The following FGD5 variants were observed in gnomAD, a reference collection of about 807,000 sequenced individuals.
FGD5 encodes the protein FYVE, RhoGEF and PH domain containing 5.
Under a neutral mutation model 133.4 loss-of-function variants are expected in FGD5, and 28 were observed. That is an observed-to-expected ratio of 0.21 (90% confidence interval 0.16 to 0.29). The LOEUF (loss-of-function observed/expected upper bound fraction) is 0.29. FGD5 is among the 10% of genes least tolerant of loss of function. The pLI is 1.00. For synonymous variants in FGD5, 810 were observed against 776.5 expected, an observed-to-expected ratio of 1.04 and a Z score of -0.72; for missense variants, 1,858 against 1,895.2, an observed-to-expected ratio of 0.98 and a Z score of 0.36.
chr3:14,864,091 A>G (rs1288720961), intron 1 of FGD5, 37 bp from the exon 2 acceptor site: 1 of 1,596,054 alleles, frequency 6.3e-7, no homozygotes, highest in Non-Finnish European at 8.6e-7. Context: ...ATGCTAAACA[A>G]AAAGCTTTAA....
intron 1 of FGD5, among the ~76,000 whole-genome samples, chr3:14,829,849 G>C (rs528136869): frequency 5.9e-5 from 9 of 152,266 alleles, no homozygotes; most frequent in Admixed American, 2.6e-4. Context: ...AGATTCCTTA[G>C]AATGCATAAA....
Position 14,821,403 on chromosome 3 carries a change from C to G in FGD5, c.2332C>G (p.Pro778Ala), listed in dbSNP as rs776620013. The G allele has an allele frequency of 6.2e-7, 1 of 1,614,028 alleles. No individual in the cohort carries two copies. The highest frequency in any genetic ancestry group is 8.5e-7 in the Non-Finnish European group (1 of 1,179,894). ...SADTSDYENI[P>A]AMNSDYENIQ... ...TGACACTTCAGACTATGAGAACATT[C>G]CAGCCATGAACTCGGACTATGAGAA... Residue 778 changes from proline (P) to alanine (A), a missense_variant, in exon 1 of 20, where the codon CCA becomes GCA. Physicochemically the swap from Pro to Ala is conservative, Grantham distance 27. Transcript: ENST00000285046.
intron 17 of FGD5, among the ~76,000 whole-genome samples, chr3:14,925,328 A>T (rs995549465): frequency 1.3e-5 from 2 of 152,198 alleles, no homozygotes; most frequent in Non-Finnish European, 2.9e-5. Context: ...ACAACATATT[A>T]TACAGAATCT....
intron 1 of FGD5, among the ~76,000 whole-genome samples, chr3:14,826,908 C>G (rs1057486909): frequency 6.6e-6 from 1 of 152,180 alleles, no homozygotes. Flanking sequence ...CCTCTGACTT[C>G]CCATGAGATG....
chr3:14,915,343 T>C (rs1039942986), intron 11 of FGD5, among the ~76,000 whole-genome samples: 3 of 152,242 alleles, frequency 2.0e-5, no homozygotes, highest in Non-Finnish European at 4.4e-5. Context: ...AAAAGAAGTA[T>C]TCATTCTGAC....
chr3:14,903,566 AT>A, intron 9 of FGD5, among the ~76,000 whole-genome samples: 1 of 132,654 alleles, frequency 7.5e-6, no homozygotes, highest in South Asian at 2.3e-4. Context: ...ATGTGATCTC[AT>A]TGTTCATTTC....
At chr3:14,839,932 A>AC (rs2036885780) in intron 1 of FGD5, among the ~76,000 whole-genome samples, 1 of 81,082 alleles carries the variant, frequency 1.2e-5, no homozygotes, top group South Asian at 3.6e-4. Context: ...GACTGTCTCA[A>AC]AAAACAAACA....
intron 7 of FGD5, 146 bp downstream of exon 7, chr3:14,898,972 C>G (rs1477505424): frequency 1.1e-5 from 8 of 712,678 alleles, no homozygotes; most frequent in African/African-American, 1.8e-5. Flanking sequence ...ACCTTTCCCT[C>G]CAGTTGAGCT....
intron 2 of FGD5, among the ~76,000 whole-genome samples, chr3:14,871,440 TACTC>T (rs1295073718): frequency 3.3e-5 from 5 of 152,368 alleles, no homozygotes; most frequent in Non-Finnish European, 7.3e-5. Flanking sequence ...CTGTGTAACT[TACTC>T]TGCACAGTGA....
chr3:14,823,739 A>G (rs142592748), intron 1 of FGD5, among the ~76,000 whole-genome samples: 1 of 152,320 alleles, frequency 6.6e-6, no homozygotes, highest in Non-Finnish European at 1.5e-5. Flanking sequence ...GCATTGTACA[A>G]TCACAAGAGC....
rs1318248414 is a variant in FGD5 at position 14,820,393 on chromosome 3, C to A, written c.1322C>A (p.Ala441Asp). The change falls in exon 1 of 20, where the codon GCC becomes GAC. Residue 441 changes from alanine (A) to aspartate (D), a missense_variant. This residue lies in a region of FGD5 where 1,824 missense variants were observed against 1,848.9 expected (regional missense o/e 0.99). Coordinates refer to ENST00000285046, the MANE Select transcript of FGD5 (RefSeq NM_152536.4). Reference sequence around the variant, plus strand: ...GGAGTGGGCCTGCCCGGTCAGGCGGCCCCTGGAGAAGGAGGGCAGGCTGCA... The same window carrying A: ...GGAGTGGGCCTGCCCGGTCAGGCGGACCCTGGAGAAGGAGGGCAGGCTGCA... ...VMGVGLPGQA[A>D]PGEGGQAASD... The A allele has an allele frequency of 3.1e-6, 5 of 1,613,748 alleles. No homozygotes were observed. The highest frequency in any genetic ancestry group is 1.1e-5 in the South Asian group (1 of 91,082).
In FGD5 at chr3:14,915,002, T is replaced by C. The variant is rs538091728; in HGVS notation, c.3406-2247T>C. ...AAAGCCAGCCAGACACCGATTTTTG[T>C]TGATAAAGTTCTGTGGGAACACAGC... On this transcript the variant is annotated intron_variant, in intron 11 of 19. Transcript: ENST00000285046. Among the ~76,000 whole-genome samples, 89 of 152,342 alleles carry C rather than the reference T, an allele frequency of 5.8e-4. 1 individual carries two copies. Among genetic ancestry groups the C allele is most frequent in the African/African-American group, 2.1e-3 (86 of 41,586 alleles).
At position 14,911,027 on chromosome 3, in the gene FGD5, G is replaced by A. The variant is rs913886697; in HGVS notation, c.3405+98G>A. ...GGACAAGTGGAATAGGGTGAGAGGA[G>A]AGTAGAACAGAGCAGACATTTGGGG... On this transcript the variant is annotated intron_variant, in intron 11 of 19. Transcript: ENST00000285046. 29 of 1,166,132 alleles carry A rather than the reference G, an allele frequency of 2.5e-5. 2 individuals carry two copies. In the Middle Eastern group the frequency reaches 1.6e-3, roughly 63 times the overall value. The allele number at this position is 1,166,132 out of a possible 1,614,324, so 72.2% of individuals were successfully genotyped here.
intron 1 of FGD5, among the ~76,000 whole-genome samples, chr3:14,822,360 CTTTTTATTGAGTAA>C (rs2125070120): frequency 6.6e-6 from 1 of 152,136 alleles, no homozygotes; most frequent in Admixed American, 6.5e-5. Context: ...AGATTGGCAC[CTTTTTATTGAGTAA>C]ATATACACTG....
intron 1 of FGD5, among the ~76,000 whole-genome samples, chr3:14,835,198 T>G (rs1338250999): frequency 6.6e-6 from 1 of 152,058 alleles, no homozygotes; most frequent in Non-Finnish European, 1.5e-5. Flanking sequence ...GTCCTGCGGG[T>G]CAGAAAGCTG....
intron 7 of FGD5, among the ~76,000 whole-genome samples, chr3:14,899,542 C>G (rs2038197393): frequency 6.6e-6 from 1 of 152,232 alleles, no homozygotes; most frequent in African/African-American, 2.4e-5. Context: ...CAGGTAGCAA[C>G]TGGGGCTCCT....
At chr3:14,907,465 C>T (rs1453152525) in intron 9 of FGD5, among the ~76,000 whole-genome samples, 175 bp from the exon 10 acceptor site, 1 of 152,232 alleles carries the variant, frequency 6.6e-6, no homozygotes, top group Non-Finnish European at 1.5e-5. Context: ...GTGGTGGCTC[C>T]CTGCAGACCC....
intron 4 of FGD5, among the ~76,000 whole-genome samples, chr3:14,886,642 C>T (rs936551048): frequency 1.3e-5 from 2 of 152,220 alleles, no homozygotes; most frequent in Non-Finnish European, 2.9e-5. Context: ...CCCTCTCACA[C>T]CTCGTTTTCT....
rs1387326044 is a variant in FGD5 at position 14,932,561 on chromosome 3, CT to C, written c.4198-14del. The C allele has an allele frequency of 1.9e-6, 3 of 1,605,348 alleles. No homozygotes were observed. The highest frequency in any genetic ancestry group is 2.5e-6 in the Non-Finnish European group (3 of 1,177,274). ...GTGTGGTGTTTAATGTCAATTTTTC[CT>C]TCTGTCCTCTGCAGGACAAAGTGGC... is the stretch of plus-strand genomic sequence containing the variant. On this transcript the variant is annotated splice_polypyrimidine_tract_variant and intron_variant, in intron 18 of 19. Coordinates refer to ENST00000285046, the MANE Select transcript of FGD5 (RefSeq NM_152536.4).
Sources: allele counts gnomAD v4.1 joint callset (sites outside exome capture counted in the v4.1 genomes callset), GRCh38; gene constraint gnomAD v4.1.1; regional missense constraint gnomAD v4.1.1; transcripts MANE v1.5; gene names NCBI Gene and HGNC (gene_info 2026-07-23, HGNC 2026-07-21).